TAF5L: variants seen among roughly 807,000 people sequenced by gnomAD.
TAF5L encodes TAF5-like RNA polymerase II p300/CBP-associated factor-associated factor 65 kDa subunit 5L.
Under a neutral mutation model 51.3 loss-of-function variants are expected in TAF5L, and 7 were observed. The observed-to-expected ratio is 0.14, with a 90% CI of 0.08 to 0.26. The LOEUF is 0.26. Ranked by LOEUF, TAF5L falls within the 10% of genes least tolerant of loss-of-function variation. TAF5L has a pLI of 1.00. For synonymous variants in TAF5L, 291 were observed against 308.1 expected (o/e 0.94, Z 0.58); for missense variants, 575 against 758.9 (o/e 0.76, Z 2.85).
intron 4 of TAF5L, chr1:229,600,720 G>A: frequency 1.0e-6 from 1 of 985,402 alleles, no homozygotes; most frequent in Non-Finnish European, 1.2e-6. Context: ...TGAGTCTTCA[G>A]ATACACTTCT....
chr1:229,595,455 T>C (rs1035750179), intron 4 of TAF5L, among the ~76,000 whole-genome samples: 2 of 152,222 alleles, frequency 1.3e-5, no homozygotes, highest in African/African-American at 4.8e-5. Flanking sequence ...TTTGAAAATA[T>C]TTACTTTTGA....
intron 1 of TAF5L, among the ~76,000 whole-genome samples, chr1:229,621,864 A>C (rs1282499838): frequency 1.3e-5 from 2 of 152,312 alleles, no homozygotes; most frequent in South Asian, 4.1e-4. Flanking sequence ...AGCCACTATG[A>C]ATCATCAAAT....
intron 2 of TAF5L, among the ~76,000 whole-genome samples, chr1:229,613,113 G>T (rs1370247085): frequency 6.6e-6 from 1 of 151,166 alleles, no homozygotes; most frequent in Non-Finnish European, 1.5e-5. Flanking sequence ...AGGCCAGGAG[G>T]TCATGACTAG....
At chr1:229,618,753 C>A (rs953635465) in intron 1 of TAF5L, among the ~76,000 whole-genome samples, 11 of 152,098 alleles carry the variant, frequency 7.2e-5, no homozygotes, top group African/African-American at 2.7e-4. Flanking sequence ...TATCCCTCCA[C>A]CCCCACCCCC....
chr1:229,626,118 C>G (rs1290698497), upstream of TAF5L: 1 of 151,644 alleles, frequency 6.6e-6, no homozygotes, highest in African/African-American at 2.4e-5. Context: ...ACCGTCTCCG[C>G]CAATGGGCGA....
intron 1 of TAF5L, among the ~76,000 whole-genome samples, chr1:229,615,224 A>G (rs985752837): frequency 2.0e-5 from 3 of 152,154 alleles, no homozygotes; most frequent in African/African-American, 7.2e-5. Context: ...AGTAGCTGGG[A>G]CTACAGGCAC....
intron 4 of TAF5L, among the ~76,000 whole-genome samples, chr1:229,597,410 C>T (rs951585025): frequency 9.2e-5 from 14 of 152,318 alleles, no homozygotes; most frequent in African/African-American, 1.4e-4. Context: ...CTGGTGGAAA[C>T]GTGTCCAGCT....
intron 3 of TAF5L, among the ~76,000 whole-genome samples, chr1:229,604,200 T>G (rs1197338771): frequency 6.7e-6 from 1 of 150,344 alleles, no homozygotes; most frequent in East Asian, 2.0e-4. Context: ...TGAAAAGGCA[T>G]CAATACAGGG....
At chr1:229,614,576 T>C (rs1664904836) in intron 1 of TAF5L, 91 bp from the exon 2 acceptor site, 5 of 1,522,452 alleles carry the variant, frequency 3.3e-6, no homozygotes, top group South Asian at 2.5e-5. Flanking sequence ...GTAGGACACA[T>C]GGGAGAGAAA....
intron 3 of TAF5L, among the ~76,000 whole-genome samples, chr1:229,608,677 C>T (rs1382623406): frequency 6.6e-6 from 1 of 152,074 alleles, no homozygotes; most frequent in African/African-American, 2.4e-5. Flanking sequence ...TTTATTTTCA[C>T]CATACTAGTG....
At chr1:229,614,370 G>C in exon 2 of TAF5L, 1 of 1,614,224 alleles carries the variant, frequency 6.2e-7, no homozygotes, top group South Asian at 1.1e-5. Context: ...CTCTTCAGCA[G>C]TCTGTGACAG....
intron 1 of TAF5L, 71 bp from the exon 2 acceptor site, chr1:229,614,556 T>C: frequency 1.9e-6 from 3 of 1,577,434 alleles, no homozygotes; most frequent in African/African-American, 2.7e-5. Flanking sequence ...AACTGCACCA[T>C]CGCAGATGGG....
chr1:229,615,484 A>G (rs1664947248), intron 1 of TAF5L, among the ~76,000 whole-genome samples: 1 of 152,194 alleles, frequency 6.6e-6, no homozygotes, highest in African/African-American at 2.4e-5. Flanking sequence ...GGGTATGTAT[A>G]TGTGTTAGCA....
At chr1:229,624,390 T>G (rs1665341346) in intron 1 of TAF5L, among the ~76,000 whole-genome samples, 1 of 152,230 alleles carries the variant, frequency 6.6e-6, no homozygotes, top group South Asian at 2.1e-4. Context: ...ATTAAAAAAT[T>G]AGCATATATT....
At chr1:229,595,925 A>G (rs1571826723) in intron 4 of TAF5L, among the ~76,000 whole-genome samples, 1 of 152,092 alleles carries the variant, frequency 6.6e-6, no homozygotes, top group Non-Finnish European at 1.5e-5. Flanking sequence ...TTGGCCTCCC[A>G]AAGTGCTGGA....
In TAF5L at chr1:229,602,356, A is replaced by G. The variant is rs746486534; in HGVS notation, c.811T>C (p.Leu271=). 3.1e-6 allele frequency: 5 copies of G among 1,614,066 alleles called. No homozygotes were observed. In the East Asian group the frequency reaches 1.1e-4, roughly 36 times the overall value. ...TCGGGGGAGATTTCTGCAGTGTTCA[A>G]CAGCTGCTCTGTGTTATAGAAGGCA... is the stretch of plus-strand genomic sequence containing the variant. Residue 271 remains leucine, a synonymous_variant, in exon 4 of 5, where the codon TTG becomes CTG. Coordinates refer to ENST00000258281, the Ensembl canonical transcript of TAF5L. This position sits in a 1 kb window ranked among gnomAD's most constrained non-coding sequence, Gnocchi z 4.6.
At chr1:229,620,718 T>C (rs1665170032) in intron 1 of TAF5L, among the ~76,000 whole-genome samples, 1 of 152,220 alleles carries the variant, frequency 6.6e-6, no homozygotes, top group Admixed American at 6.5e-5. Flanking sequence ...ATACAAAATC[T>C]TATTAACATG....
chr1:229,601,115 C>G (rs536272548), intron 4 of TAF5L: 31 of 985,056 alleles, frequency 3.1e-5, no homozygotes, highest in Non-Finnish European at 3.5e-5. Context: ...AGACTCTTCA[C>G]TCATCACAAG....
intron 3 of TAF5L, chr1:229,606,325 A>AT: frequency 1.1e-6 from 1 of 875,448 alleles, no homozygotes; most frequent in Non-Finnish European, 1.4e-6. Context: ...CTTAAAATAT[A>AT]TTTTTTTCTA....
Sources: allele counts gnomAD v4.1 joint callset (sites outside exome capture counted in the v4.1 genomes callset), GRCh38; gene constraint gnomAD v4.1.1; non-coding constraint Gnocchi (gnomAD v3.1); transcripts MANE v1.5; gene names NCBI Gene and HGNC (gene_info 2026-07-23, HGNC 2026-07-21).